The following PAPOLG variants were observed in gnomAD, a reference collection of about 807,000 sequenced individuals.
PAPOLG encodes the protein poly(A) polymerase gamma.
PAPOLG carries 40 observed loss-of-function variants against 99.0 expected under a neutral mutation model. The observed-to-expected ratio is 0.40, with a 90% CI of 0.31 to 0.53. The LOEUF is 0.53. Ranked by LOEUF, PAPOLG falls within the 20% of genes least tolerant of loss-of-function variation. The pLI is 0.41. For synonymous variants in PAPOLG, 310 were observed against 299.3 expected (o/e 1.04, Z -0.37); for missense variants, 675 against 884.1 (o/e 0.76, Z 3.00).
At chr2:60,776,600 G>C (rs1014593947) in intron 8 of PAPOLG, among the ~76,000 whole-genome samples, 9 of 151,792 alleles carry the variant, frequency 5.9e-5, no homozygotes, top group Non-Finnish European at 1.3e-4. Flanking sequence ...GCTAATTTTT[G>C]TATTTTTAGT....
chr2:60,764,005 G>A (rs1187297121), intron 3 of PAPOLG, among the ~76,000 whole-genome samples: 7 of 151,288 alleles, frequency 4.6e-5, no homozygotes, highest in Non-Finnish European at 8.9e-5. Flanking sequence ...GTTTCACCAT[G>A]TTGGCCAGGC....
chr2:60,766,928 C>T (rs1367993424), intron 3 of PAPOLG, among the ~76,000 whole-genome samples: 2 of 152,130 alleles, frequency 1.3e-5, no homozygotes, highest in Non-Finnish European at 2.9e-5. Flanking sequence ...GGGAAGAAGA[C>T]ATTGGCAACT....
At position 60,768,455 on chromosome 2, in the gene PAPOLG, T is replaced by C; in HGVS notation, c.247-15T>C. The C allele has an allele frequency of 6.2e-7, 1 of 1,611,488 alleles. No homozygotes were observed. The highest frequency in any genetic ancestry group is 8.5e-7 in the Non-Finnish European group (1 of 1,179,016). On this transcript the variant is annotated splice_polypyrimidine_tract_variant and intron_variant, in intron 3 of 21. Transcript: ENST00000238714. ...ATTTGAATAATTGAATGTCTTCCGC[T>C]TAATTTTATTTTAGAACCTCCCACC...
chr2:60,778,881 GT>G (rs561085606), intron 8 of PAPOLG, among the ~76,000 whole-genome samples: 45 of 152,150 alleles, frequency 3.0e-4, no homozygotes, highest in African/African-American at 1.0e-3. Flanking sequence ...TATTTTGTAG[GT>G]TTTTTTCTTT....
chr2:60,791,957 G>A (rs1244573208), intron 16 of PAPOLG, 75 bp downstream of exon 16: 3 of 1,532,676 alleles, frequency 2.0e-6, no homozygotes, highest in Non-Finnish European at 2.7e-6. Flanking sequence ...GCATTCTACA[G>A]CTCCCAAACC....
intron 7 of PAPOLG, among the ~76,000 whole-genome samples, chr2:60,773,644 G>C (rs1346621774): frequency 1.3e-5 from 2 of 151,326 alleles, no homozygotes; most frequent in African/African-American, 4.9e-5. Context: ...GGAAAATATT[G>C]GTTCACAAAA....
intron 9 of PAPOLG, 150 bp downstream of exon 9, chr2:60,779,925 G>A: frequency 1.5e-6 from 1 of 658,116 alleles, no homozygotes; most frequent in Non-Finnish European, 2.4e-6. Flanking sequence ...TTGAGGCAAT[G>A]GTGGGACATC....
At chr2:60,794,670 AG>A in intron 19 of PAPOLG, 39 bp from the exon 20 acceptor site, 2 of 1,530,598 alleles carry the variant, frequency 1.3e-6, no homozygotes, top group Non-Finnish European at 1.8e-6. Context: ...GGGTTTTTGT[AG>A]GTACATAATA....
rs751673458 is a variant in PAPOLG at position 60,793,720 on chromosome 2, G to A, written c.1768+5G>A. The A allele has an allele frequency of 2.5e-6, 4 of 1,612,004 alleles. No homozygotes were observed. Among genetic ancestry groups the A allele is most frequent in the Non-Finnish European group, 3.4e-6 (4 of 1,178,814 alleles). On this transcript the variant is annotated splice_donor_5th_base_variant and intron_variant, in intron 18 of 21. Coordinates refer to ENST00000238714, the MANE Select transcript of PAPOLG (RefSeq NM_022894.4). ...CCATTCCAGTGATTGGCGCAAGTAG[G>A]TATCTAAACTTGTATATATTAATAA...
In PAPOLG at chr2:60,799,078, G is replaced by A. The variant is rs1029100428; in HGVS notation, c.*1918G>A. On this transcript the variant is annotated 3_prime_UTR_variant, in exon 22 of 22. Transcript: ENST00000238714. Reference sequence around the variant, plus strand: ...AATGAATGATTATGAAAGAACCGAAGAATTATCACCTGACTTCAACTTTTG... The same window carrying A: ...AATGAATGATTATGAAAGAACCGAAAAATTATCACCTGACTTCAACTTTTG... 1 of 152,298 alleles carries A rather than the reference G, an allele frequency of 6.6e-6. No individual in the cohort carries two copies. Among genetic ancestry groups the A allele is most frequent in the African/African-American group, 2.4e-5 (1 of 41,428 alleles). The allele number at this position is 152,298 out of a possible 1,614,324, so 9.4% of individuals were successfully genotyped here. A position where few individuals can be genotyped will look rare whatever the true frequency, so the allele number is the denominator to read the frequency against.
At chr2:60,762,951 T>A (rs74697577) in intron 3 of PAPOLG, among the ~76,000 whole-genome samples, 3 of 150,300 alleles carry the variant, frequency 2.0e-5, no homozygotes, top group Non-Finnish European at 3.0e-5. Context: ...TATTTTATTT[T>A]ATTTTTTTTT....
At chr2:60,791,672 A>T in intron 15 of PAPOLG, 89 bp from the exon 16 acceptor site, 1 of 1,474,542 alleles carries the variant, frequency 6.8e-7, no homozygotes, top group Non-Finnish European at 9.1e-7. Flanking sequence ...TAGTGGGGAG[A>T]TAGTAAAAGT....
At chr2:60,763,173 C>T (rs906298488) in intron 3 of PAPOLG, among the ~76,000 whole-genome samples, 7 of 151,970 alleles carry the variant, frequency 4.6e-5, no homozygotes, top group Non-Finnish European at 7.4e-5. Flanking sequence ...AACTCCTGGG[C>T]TCAAGTGATC....
At chr2:60,758,395 A>G (rs1200060168) in intron 1 of PAPOLG, among the ~76,000 whole-genome samples, 1 of 45,798 alleles carries the variant, frequency 2.2e-5, no homozygotes, top group African/African-American at 8.6e-5. Flanking sequence ...CTTCCATTTG[A>G]TTCTTTCTCC....
intron 8 of PAPOLG, among the ~76,000 whole-genome samples, chr2:60,776,159 A>G (rs1284886410): frequency 6.6e-6 from 1 of 152,220 alleles, no homozygotes; most frequent in East Asian, 1.9e-4. Flanking sequence ...AAGTAACTTT[A>G]ATCTCCTAGT....
intron 17 of PAPOLG, among the ~76,000 whole-genome samples, chr2:60,792,563 C>T (rs1388116235): frequency 6.6e-6 from 1 of 152,102 alleles, no homozygotes; most frequent in Non-Finnish European, 1.5e-5. Context: ...GCATTTTTCC[C>T]CCTTTTAGTT....
At chr2:60,758,530 C>T (rs1044831499) in intron 1 of PAPOLG, among the ~76,000 whole-genome samples, 1 of 149,880 alleles carries the variant, frequency 6.7e-6, no homozygotes, top group Non-Finnish European at 1.5e-5. Flanking sequence ...TGGGTTCAAG[C>T]GAATCTCCTG....
intron 19 of PAPOLG, 152 bp downstream of exon 19, chr2:60,794,343 C>T: frequency 1.2e-6 from 1 of 822,704 alleles, no homozygotes; most frequent in Non-Finnish European, 1.8e-6. Flanking sequence ...AATTGCTCAT[C>T]CTAAATTGAA....
Position 60,793,731 on chromosome 2 carries a change from T to G in PAPOLG, c.1768+16T>G, listed in dbSNP as rs1324985329. On this transcript the variant is annotated intron_variant, in intron 18 of 21. Coordinates refer to ENST00000238714, the MANE Select transcript of PAPOLG (RefSeq NM_022894.4). The stretch of plus-strand genomic sequence containing the variant: ...ATTGGCGCAAGTAGGTATCTAAACT[T>G]GTATATATTAATAATTATATTTACA... 1 of 1,602,092 alleles carries G rather than the reference T, an allele frequency of 6.2e-7. No individual in the cohort carries two copies. Among genetic ancestry groups the G allele is most frequent in the East Asian group, 2.3e-5 (1 of 44,246 alleles).
Sources: gnomAD v4.1 joint callset for allele counts (sites outside exome capture counted in the v4.1 genomes callset) on GRCh38, gnomAD v4.1.1 for gene constraint, MANE v1.5 for transcripts, NCBI Gene and HGNC (gene_info 2026-07-23, HGNC 2026-07-21) for gene names.